The following ACYP2 variants were observed in gnomAD, a reference collection of about 807,000 sequenced individuals.
The protein encoded by ACYP2 is acylphosphatase-2.
Under a neutral mutation model 11.2 loss-of-function variants are expected in ACYP2, and 12 were observed. That is an observed-to-expected ratio of 1.08 (90% CI 0.69 to 1.74). ACYP2 has a LOEUF of 1.74. ACYP2 is among the 40% of genes most tolerant of loss of function. The pLI is 0.00. For synonymous variants in ACYP2, 43 were observed against 32.2 expected (o/e 1.33, Z -1.13); for missense variants, 134 against 101.9 (o/e 1.31, Z -1.35).
rs1036959435 is a variant in ACYP2 at position 54,019,437 on chromosome 2, T to C, written c.63-31521T>C. On this transcript the variant is annotated intron_variant, in intron 2 of 6. Transcript: ENST00000607452. ...TGTCACTTAGGCTGGAATGCAGTGG[T>C]GCAATCATGGTTCATTGCAACCTCG... Among the ~76,000 whole-genome samples, 40 of 151,028 alleles carry C rather than the reference T, an allele frequency of 2.6e-4. No individual in the cohort carries two copies. In the Middle Eastern group the frequency reaches 0.021, roughly 79 times the overall value.
chr2:53,991,666 A>G (rs1359745687), intron 2 of ACYP2, among the ~76,000 whole-genome samples: 1 of 151,932 alleles, frequency 6.6e-6, no homozygotes, highest in Admixed American at 6.6e-5. Context: ...CAGTCTCCCA[A>G]AGTGTTGGGG....
chr2:54,085,923 C>T (rs1677922314), intron 4 of ACYP2, among the ~76,000 whole-genome samples: 6 of 152,108 alleles, frequency 3.9e-5, no homozygotes, highest in African/African-American at 1.2e-4. Flanking sequence ...TCTGGTGACT[C>T]TAAAAGTTTC....
At chr2:54,158,131 T>G (rs1682517119) in intron 6 of ACYP2, among the ~76,000 whole-genome samples, 1 of 151,836 alleles carries the variant, frequency 6.6e-6, no homozygotes, top group African/African-American at 2.4e-5. Context: ...GTTCAAGCAA[T>G]TCTCCTGCTT....
Position 54,092,737 on chromosome 2 carries a change from C to T in ACYP2, c.277+35377C>T, listed in dbSNP as rs1678301999. ...GGTAGCTAATTTCAAATGGGGTGAA[C>T]TTACTATAGAAGCAGGTGGGTTCCA... is the stretch of plus-strand genomic sequence containing the variant. On this transcript the variant is annotated intron_variant, in intron 4 of 6. Transcript: ENST00000607452. Among the ~76,000 whole-genome samples, 3 of 152,268 alleles carry T rather than the reference C, an allele frequency of 2.0e-5. No individual in the cohort carries two copies. In the South Asian group the frequency reaches 6.2e-4, roughly 32 times the overall value.
rs1167724577 is a variant in ACYP2, at chr2:54,073,662, A to G, written c.277+16302A>G. 5.3e-5 allele frequency among the ~76,000 whole-genome samples: 8 copies of G among 152,236 alleles called. No homozygotes were observed. In the East Asian group the frequency reaches 1.5e-3, roughly 29 times the overall value. ...CTGATAAGGAACTTATACCTAGAAT[A>G]TGTAAATAACTATTACAACTCAAAA... is the stretch of plus-strand genomic sequence containing the variant. On this transcript the variant is annotated intron_variant, in intron 4 of 6. Transcript: ENST00000607452.
intron 2 of ACYP2, among the ~76,000 whole-genome samples, chr2:54,046,284 G>A (rs1032943270): frequency 1.3e-5 from 2 of 150,534 alleles, no homozygotes; most frequent in African/African-American, 4.9e-5. Flanking sequence ...TTCGAGACCA[G>A]CCTGGCCAAC....
chr2:54,175,421 T>A (rs1683416425), intron 6 of ACYP2, among the ~76,000 whole-genome samples: 1 of 152,060 alleles, frequency 6.6e-6, no homozygotes, highest in Non-Finnish European at 1.5e-5. Context: ...TCTTCTCTCT[T>A]TCCTTCTTTA....
intron 6 of ACYP2, among the ~76,000 whole-genome samples, chr2:54,165,540 C>CAG (rs1682927649): frequency 7.3e-6 from 1 of 136,196 alleles, no homozygotes; most frequent in Non-Finnish European, 1.6e-5. Context: ...CTCTCTCACA[C>CAG]ACACACACAC....
chr2:54,198,803 G>T (rs1279807816), intron 6 of ACYP2, among the ~76,000 whole-genome samples: 1 of 152,144 alleles, frequency 6.6e-6, no homozygotes, highest in Non-Finnish European at 1.5e-5. Context: ...ACATTTCATA[G>T]TTCATACATG....
intron 6 of ACYP2, among the ~76,000 whole-genome samples, chr2:54,192,310 A>G (rs1684272508): frequency 6.6e-6 from 1 of 152,098 alleles, no homozygotes; most frequent in Non-Finnish European, 1.5e-5. Flanking sequence ...AGTAGAAGAG[A>G]GTTTTAAAAT....
At chr2:53,989,429 T>TA (rs1348575418) in intron 2 of ACYP2, among the ~76,000 whole-genome samples, 1 of 152,130 alleles carries the variant, frequency 6.6e-6, no homozygotes, top group Non-Finnish European at 1.5e-5. Flanking sequence ...ACAAAGAATA[T>TA]ATTTGCCCAG....
chr2:54,182,854 T>A (rs1254501333), intron 6 of ACYP2, among the ~76,000 whole-genome samples: 1 of 152,202 alleles, frequency 6.6e-6, no homozygotes, highest in Non-Finnish European at 1.5e-5. Context: ...AGATCCAGGT[T>A]TCACAAAACT....
intron 2 of ACYP2, among the ~76,000 whole-genome samples, chr2:54,022,680 C>G (rs565509183): frequency 6.6e-6 from 1 of 152,074 alleles, no homozygotes; most frequent in Admixed American, 6.6e-5. Context: ...CTGTGCCAGG[C>G]CCATATTTAA....
At chr2:54,114,603 G>C (rs201738525) in intron 4 of ACYP2, among the ~76,000 whole-genome samples, 16 of 152,266 alleles carry the variant, frequency 1.1e-4, no homozygotes, top group African/African-American at 3.6e-4. Context: ...ACAATTTCTT[G>C]AACCTGGGAG....
In ACYP2 at chr2:54,291,866, G is replaced by A. The variant is rs2104144860; in HGVS notation, c.405-12822G>A. Among the ~76,000 whole-genome samples the A allele has an allele frequency of 2.0e-5, 3 of 152,260 alleles. No homozygotes were observed. The Middle Eastern group carries it at 0.01, about 521-fold the overall frequency. The stretch of plus-strand genomic sequence containing the variant: ...CTTGAAATTGGGTCATAGAGATCGG[G>A]AGTGTCTTTCAGGAAAATTCTGATA... On this transcript the variant is annotated intron_variant, in intron 6 of 6. Coordinates refer to ENST00000607452, the MANE Select transcript of ACYP2 (RefSeq NM_001320586.2).
chr2:54,117,454 A>C (rs938214931), intron 4 of ACYP2, among the ~76,000 whole-genome samples: 28 of 152,040 alleles, frequency 1.8e-4, no homozygotes, highest in African/African-American at 6.5e-4. Flanking sequence ...GCCACCATGC[A>C]TGACTAATTT....
intron 6 of ACYP2, among the ~76,000 whole-genome samples, chr2:54,202,829 T>C (rs142088256): frequency 7.0e-6 from 1 of 143,340 alleles, no homozygotes; most frequent in Admixed American, 7.3e-5. Flanking sequence ...GGATTACAGG[T>C]GAACACCACT....
intron 6 of ACYP2, among the ~76,000 whole-genome samples, chr2:54,268,167 CT>C (rs1688122845): frequency 6.6e-6 from 1 of 152,170 alleles, no homozygotes; most frequent in Non-Finnish European, 1.5e-5. Flanking sequence ...CCTACCTGAA[CT>C]TTTCAACTGA....
At chr2:54,011,926 G>A (rs1673395240) in intron 2 of ACYP2, among the ~76,000 whole-genome samples, 2 of 152,036 alleles carry the variant, frequency 1.3e-5, no homozygotes, top group Admixed American at 1.3e-4. Context: ...CTGTACCTAT[G>A]AACATTTCTG....
Sources: gnomAD v4.1 joint callset for allele counts (sites outside exome capture counted in the v4.1 genomes callset) on GRCh38, gnomAD v4.1.1 for gene constraint, MANE v1.5 for transcripts, NCBI Gene and HGNC (gene_info 2026-07-23, HGNC 2026-07-21) for gene names.